The following EEIG1 variants were observed in gnomAD, a reference collection of about 807,000 sequenced individuals.
EEIG1 encodes the protein early estrogen-induced gene 1 protein.
At chr9:127,978,428 C>T in the EEIG1 span, among the ~76,000 whole-genome samples, 1 of 152,206 alleles carries the variant, frequency 6.6e-6, no homozygotes, top group Non-Finnish European at 1.5e-5. Context: ...GCTAACAGGG[C>T]CCACAAGGAG....
At chr9:127,977,021 T>A in the EEIG1 span, among the ~76,000 whole-genome samples, 1 of 150,682 alleles carries the variant, frequency 6.6e-6, no homozygotes, top group East Asian at 2.0e-4. Context: ...GTGGAGGGGG[T>A]AGGAACCCAG....
At chr9:127,965,299 C>T in the EEIG1 span, among the ~76,000 whole-genome samples, 1 of 152,102 alleles carries the variant, frequency 6.6e-6, no homozygotes, top group Middle Eastern at 3.2e-3. Context: ...AGTAGCACAG[C>T]CCCAGGTGTG....
the EEIG1 span, among the ~76,000 whole-genome samples, chr9:127,947,095 C>T: frequency 6.6e-6 from 1 of 152,036 alleles, no homozygotes; most frequent in East Asian, 1.9e-4. Flanking sequence ...AACATTAGTA[C>T]CAGTGATAAT....
At chr9:127,952,679 T>G in the EEIG1 span, among the ~76,000 whole-genome samples, 1 of 152,148 alleles carries the variant, frequency 6.6e-6, no homozygotes, top group African/African-American at 2.4e-5. Context: ...ATGCCCAGAA[T>G]GGATTAAGTA....
chr9:127,980,498 AG>A, the EEIG1 span: 1 of 156,124 alleles, frequency 6.4e-6, no homozygotes, highest in South Asian at 2.0e-4. Flanking sequence ...ATGTCCGGGG[AG>A]CTCACGCCGC....
chr9:127,943,153 G>C, the EEIG1 span: 2 of 1,607,328 alleles, frequency 1.2e-6, no homozygotes, highest in Non-Finnish European at 1.7e-6. Context: ...CTGGACTCCA[G>C]AGAAAGCAGG....
At chr9:127,942,784 A>C in the EEIG1 span, 1 of 253,308 alleles carries the variant, frequency 3.9e-6, no homozygotes, top group Non-Finnish European at 7.9e-6. Flanking sequence ...TCCTGGAGTG[A>C]GTGGGGACAC....
the EEIG1 span, chr9:127,944,290 A>C: frequency 2.3e-6 from 1 of 431,568 alleles, no homozygotes; most frequent in Admixed American, 4.1e-5. Context: ...GCTGGGAGGA[A>C]GTAGAAGGGA....
At chr9:127,948,104 G>A in the EEIG1 span, 94 of 1,612,680 alleles carry the variant, frequency 5.8e-5, no homozygotes, top group Non-Finnish European at 7.3e-5. Context: ...GCCTTGGGGG[G>A]CCGGGACCCA....
At chr9:127,958,872 T>C in the EEIG1 span, among the ~76,000 whole-genome samples, 1 of 152,196 alleles carries the variant, frequency 6.6e-6, no homozygotes, top group South Asian at 2.1e-4. Flanking sequence ...AGGATCCAAA[T>C]AGACATTTCT....
the EEIG1 span, among the ~76,000 whole-genome samples, chr9:127,970,633 C>T: frequency 6.6e-6 from 1 of 152,164 alleles, no homozygotes; most frequent in Admixed American, 6.5e-5. Flanking sequence ...AGCAATCAAC[C>T]CCATGGCTGC....
chr9:127,970,104 A>G, the EEIG1 span, among the ~76,000 whole-genome samples: 1 of 152,188 alleles, frequency 6.6e-6, no homozygotes, highest in East Asian at 1.9e-4. Flanking sequence ...AACTCTGTAT[A>G]AATGGCATCA....
the EEIG1 span, chr9:127,950,657 AG>A: frequency 2.7e-6 from 4 of 1,489,434 alleles, no homozygotes; most frequent in Non-Finnish European, 3.6e-6. Context: ...CCCCTGGGCC[AG>A]CCCCACAGCC....
the EEIG1 span, chr9:127,943,510 A>G: frequency 2.0e-6 from 1 of 496,230 alleles, no homozygotes; most frequent in South Asian, 2.3e-5. Context: ...GAGTCACTGC[A>G]TCCTGCCCCA....
chr9:127,970,684 G>C, the EEIG1 span, among the ~76,000 whole-genome samples: 136,746 of 152,110 alleles, frequency 0.9, 62,088 homozygotes, highest in Non-Finnish European at 0.97. Context: ...CGGATTCACA[G>C]CTTCTGTGGC....
chr9:127,941,896 A>G, the EEIG1 span: 1 of 152,322 alleles, frequency 6.6e-6, no homozygotes, highest in Non-Finnish European at 1.5e-5. Context: ...AGTAAACACC[A>G]GCCTGCTGGG....
At chr9:127,949,310 T>TG in the EEIG1 span, among the ~76,000 whole-genome samples, 1 of 21,250 alleles carries the variant, frequency 4.7e-5, no homozygotes, top group Non-Finnish European at 1.2e-4. Context: ...AGACTCTGTC[T>TG]CAAAAAAAAA....
the EEIG1 span, among the ~76,000 whole-genome samples, chr9:127,969,347 G>A: frequency 6.6e-6 from 1 of 152,196 alleles, no homozygotes; most frequent in Admixed American, 6.5e-5. Context: ...ACCACAGGAA[G>A]AGAGAAGAGA....
the EEIG1 span, among the ~76,000 whole-genome samples, chr9:127,968,895 T>C: frequency 1.3e-5 from 2 of 152,190 alleles, no homozygotes; most frequent in African/African-American, 4.8e-5. Flanking sequence ...TCCCCAGACA[T>C]GTGATTCCCT....
Sources: allele counts gnomAD v4.1 joint callset (sites outside exome capture counted in the v4.1 genomes callset), GRCh38; gene constraint gnomAD v4.1.1; transcripts MANE v1.5; gene names NCBI Gene and HGNC (gene_info 2026-07-23, HGNC 2026-07-21).